ITGA1: variants seen among roughly 807,000 people sequenced by gnomAD.
The protein encoded by ITGA1 is integrin subunit alpha 1, also known as integrin alpha-1.
Under a neutral mutation model 145.9 loss-of-function variants are expected in ITGA1, and 85 were observed. The ratio of observed to expected loss-of-function variants is 0.58; its 90% CI spans 0.49 to 0.70. ITGA1 has a LOEUF of 0.70. Among genes scored for constraint, ITGA1 ranks in the 30% least tolerant of loss-of-function variants. The pLI is 0.00. For synonymous variants in ITGA1, 520 were observed against 495.3 expected (o/e 1.05, Z -0.66); for missense variants, 1,351 against 1,418.7 (o/e 0.95, Z 0.77).
intron 1 of ITGA1, among the ~76,000 whole-genome samples, chr5:52,792,784 C>A (rs1027402358): frequency 3.3e-5 from 5 of 152,122 alleles, no homozygotes; most frequent in Non-Finnish European, 7.4e-5. Context: ...ATAGTGTACT[C>A]AAATTCATGT....
chr5:52,910,513 T>C, intron 14 of ITGA1, 94 bp downstream of exon 14: 1 of 1,358,426 alleles, frequency 7.4e-7, no homozygotes, highest in Non-Finnish European at 1.0e-6. Context: ...ATTTAATTTC[T>C]TCCTCCTGAC....
intron 6 of ITGA1, among the ~76,000 whole-genome samples, chr5:52,879,992 T>C (rs971969578): frequency 2.6e-5 from 4 of 152,268 alleles, no homozygotes; most frequent in African/African-American, 9.6e-5. Flanking sequence ...TGTATTTATG[T>C]GTTTGTTTCA....
At chr5:52,852,874 T>A (rs1367962053) in intron 2 of ITGA1, among the ~76,000 whole-genome samples, 4 of 152,054 alleles carry the variant, frequency 2.6e-5, no homozygotes, top group African/African-American at 9.7e-5. Flanking sequence ...AAAAAAAAGC[T>A]GCATAAAAAA....
At chr5:52,925,190 G>A in intron 18 of ITGA1, 88 bp from the exon 19 acceptor site, 1 of 928,578 alleles carries the variant, frequency 1.1e-6, no homozygotes. Flanking sequence ...TACTTTGGCT[G>A]TATGCCATTT....
Position 52,788,312 on chromosome 5 carries a change from T to C in ITGA1, c.-42T>C. The stretch of plus-strand genomic sequence containing the variant: ...GCAGCTCCCGCGCCCGGTCCTGCCC[T>C]GCGAACCAGCGCGGCCCCCTGGCGC... On this transcript the variant is annotated 5_prime_UTR_variant, in exon 1 of 29. Coordinates refer to ENST00000282588, the MANE Select transcript of ITGA1 (RefSeq NM_181501.2). 6.8e-7 allele frequency: 1 copy of C among 1,473,368 alleles called. No homozygotes were observed. Among genetic ancestry groups the C allele is most frequent in the Non-Finnish European group, 9.0e-7 (1 of 1,115,172 alleles). The allele number at this position is 1,473,368 out of a possible 1,614,324, so 91.3% of individuals were successfully genotyped here.
intron 1 of ITGA1, among the ~76,000 whole-genome samples, chr5:52,820,522 T>TC (rs112537533): frequency 4.8e-5 from 7 of 146,538 alleles, no homozygotes; most frequent in African/African-American, 1.8e-4. Context: ...TAAAGTATAA[T>TC]AAAAAAAAAA....
chr5:52,896,505 G>A (rs1285559185), intron 9 of ITGA1, among the ~76,000 whole-genome samples: 4 of 152,154 alleles, frequency 2.6e-5, no homozygotes, highest in Non-Finnish European at 4.4e-5. Context: ...AATTACTGAT[G>A]TATTTGTTCA....
chr5:52,895,962 A>G (rs1396715848), intron 9 of ITGA1, among the ~76,000 whole-genome samples: 1 of 152,144 alleles, frequency 6.6e-6, no homozygotes, highest in Non-Finnish European at 1.5e-5. Flanking sequence ...AGTAGCTGTG[A>G]TTATGAAATT....
chr5:52,882,772 T>G (rs537675907), intron 7 of ITGA1: 4 of 152,320 alleles, frequency 2.6e-5, no homozygotes, highest in Admixed American at 2.6e-4. Flanking sequence ...AGCAAACTTC[T>G]GAACAAATTC....
intron 15 of ITGA1, 146 bp downstream of exon 15, chr5:52,915,740 A>G: frequency 1.0e-6 from 1 of 954,714 alleles, no homozygotes; most frequent in Non-Finnish European, 1.6e-6. Flanking sequence ...GTGAGCTGGA[A>G]GAGTCAATAC....
intron 22 of ITGA1, chr5:52,933,069 T>C (rs148226392): frequency 3.3e-5 from 5 of 152,178 alleles, no homozygotes; most frequent in Non-Finnish European, 7.4e-5. Context: ...ATGCAAGTAA[T>C]ATATAGCAAC....
chr5:52,921,229 A>G (rs1750726146), intron 17 of ITGA1, among the ~76,000 whole-genome samples: 1 of 152,222 alleles, frequency 6.6e-6, no homozygotes, highest in Non-Finnish European at 1.5e-5. Flanking sequence ...AGTAACTGAC[A>G]TTAAGACTTA....
At chr5:52,809,618 C>T (rs1372429285) in intron 1 of ITGA1, among the ~76,000 whole-genome samples, 1 of 151,164 alleles carries the variant, frequency 6.6e-6, no homozygotes, top group Non-Finnish European at 1.5e-5. Flanking sequence ...AATTCTCGTG[C>T]CTCACCCTCC....
chr5:52,837,219 C>T (rs765384696), intron 1 of ITGA1, among the ~76,000 whole-genome samples: 57 of 152,262 alleles, frequency 3.7e-4, no homozygotes, highest in Middle Eastern at 6.8e-3. Context: ...TACACTCCAG[C>T]GCCAGCCGAG....
Position 52,959,034 on chromosome 5 carries a change from A to G in ITGA1, c.*6583A>G, listed in dbSNP as rs894445469. The G allele has an allele frequency of 6.6e-6, 1 of 152,186 alleles. No homozygotes were observed. The highest frequency in any genetic ancestry group is 2.4e-5 in the African/African-American group (1 of 41,446). 9.4% of individuals were successfully genotyped at this position (152,186 alleles called of 1,614,324 possible). A position where few individuals can be genotyped will look rare whatever the true frequency, so the allele number is the denominator to read the frequency against. On this transcript the variant is annotated 3_prime_UTR_variant, in exon 29 of 29. Coordinates refer to ENST00000282588, the MANE Select transcript of ITGA1 (RefSeq NM_181501.2). ...TATAATTAGAAATAGCTGAGAGAGT[A>G]AAAAAGCATTTTGAATGTCCTATGT...
intron 16 of ITGA1, among the ~76,000 whole-genome samples, chr5:52,919,818 G>A (rs571783777): frequency 6.6e-6 from 1 of 152,044 alleles, no homozygotes; most frequent in South Asian, 2.1e-4. Context: ...CTTTATTGTG[G>A]TATGCTTATT....
intron 21 of ITGA1, 40 bp from the exon 22 acceptor site, chr5:52,932,007 G>C (rs991903237): frequency 2.5e-6 from 3 of 1,215,812 alleles, no homozygotes; most frequent in Non-Finnish European, 3.6e-6. Flanking sequence ...AAATAGTCAA[G>C]ATTTTAATGG....
At chr5:52,916,490 A>G (rs1206445516) in intron 15 of ITGA1, among the ~76,000 whole-genome samples, 1 of 152,210 alleles carries the variant, frequency 6.6e-6, no homozygotes, top group Non-Finnish European at 1.5e-5. Flanking sequence ...TATAAAAGAA[A>G]GGTGAAGATA....
intron 6 of ITGA1, among the ~76,000 whole-genome samples, chr5:52,877,865 A>G (rs942281987): frequency 6.6e-6 from 1 of 152,210 alleles, no homozygotes; most frequent in Non-Finnish European, 1.5e-5. Flanking sequence ...GAATGCAGGG[A>G]CACAGTTGAC....
Sources: allele counts gnomAD v4.1 joint callset (sites outside exome capture counted in the v4.1 genomes callset), GRCh38; gene constraint gnomAD v4.1.1; transcripts MANE v1.5; gene names NCBI Gene and HGNC (gene_info 2026-07-23, HGNC 2026-07-21).